Variants in PRELID3A observed in about 807,000 individuals in gnomAD.
PRELID3A encodes PRELI domain containing protein 3A.
PRELID3A carries 27 observed loss-of-function variants against 23.0 expected under a neutral mutation model. The ratio of observed to expected loss-of-function variants is 1.17; its 90% confidence interval spans 0.87 to 1.62. The LOEUF is 1.62. PRELID3A is among the 40% of genes most tolerant of loss of function. The probability of loss-of-function intolerance (pLI) is 0.00; values close to 1 mark genes in which losing one functional copy is unlikely to be tolerated. For synonymous variants in PRELID3A, 87 were observed against 86.4 expected, an observed-to-expected ratio of 1.01 and a Z score of -0.04; for missense variants, 231 against 231.4, an observed-to-expected ratio of 1.00 and a Z score of 0.01.
At chr18:12,423,226 C>A (rs1598862164) in intron 3 of PRELID3A, among the ~76,000 whole-genome samples, 1 of 152,126 alleles carries the variant, frequency 6.6e-6, no homozygotes, top group Non-Finnish European at 1.5e-5. Flanking sequence ...TGGAGAGGGG[C>A]AGGCACAAGA....
intron 1 of PRELID3A, among the ~76,000 whole-genome samples, chr18:12,409,830 AT>A (rs951642427): frequency 2.6e-5 from 4 of 151,816 alleles, no homozygotes; most frequent in East Asian, 1.9e-4. Flanking sequence ...ACTCCCATTT[AT>A]TTTTTTTAAG....
chr18:12,430,743 GTGGTGTGTGTGCA>G (rs2030559167), intron 6 of PRELID3A, among the ~76,000 whole-genome samples: 1 of 144,108 alleles, frequency 6.9e-6, no homozygotes, highest in African/African-American at 2.6e-5. Context: ...GTGTATGTGT[GTGGTGTGTGTGCA>G]TGTGTGTGAT....
chr18:12,409,992 ACATTTTACCC>A (rs1486732532), intron 1 of PRELID3A, among the ~76,000 whole-genome samples: 1 of 152,154 alleles, frequency 6.6e-6, no homozygotes, highest in Non-Finnish European at 1.5e-5. Context: ...CATTAGCTTC[ACATTTTACCC>A]CATTTTCACC....
chr18:12,421,782 TTCAAGTATA>T (rs1386680087), intron 3 of PRELID3A, among the ~76,000 whole-genome samples, 153 bp downstream of exon 3: 1 of 152,216 alleles, frequency 6.6e-6, no homozygotes, highest in Non-Finnish European at 1.5e-5. Flanking sequence ...TATCTTTTTA[TTCAAGTATA>T]ATAAGTATAT....
At chr18:12,424,339 G>T (rs530934692) in intron 3 of PRELID3A, among the ~76,000 whole-genome samples, 3 of 152,218 alleles carry the variant, frequency 2.0e-5, no homozygotes, top group Non-Finnish European at 4.4e-5. Flanking sequence ...TGAAGCCATC[G>T]CTGGATGGCC....
intron 3 of PRELID3A, among the ~76,000 whole-genome samples, chr18:12,425,041 G>T (rs1400266079): frequency 6.6e-6 from 1 of 152,114 alleles, no homozygotes; most frequent in South Asian, 2.1e-4. Flanking sequence ...TACTCTGGAG[G>T]CTGAGGCAGG....
chr18:12,430,939 A>T (rs941058225), intron 6 of PRELID3A, among the ~76,000 whole-genome samples: 2 of 140,378 alleles, frequency 1.4e-5, no homozygotes, highest in African/African-American at 5.4e-5. Flanking sequence ...TGTGATGTGT[A>T]TTGTGTGCTG....
At chr18:12,409,241 A>G (rs1319345188) in intron 1 of PRELID3A, among the ~76,000 whole-genome samples, 1 of 129,154 alleles carries the variant, frequency 7.7e-6, no homozygotes, top group Non-Finnish European at 1.5e-5. Context: ...ATCTTGGCTC[A>G]CTGTAACCTC....
At chr18:12,415,163 C>G (rs1185799546) in intron 1 of PRELID3A, among the ~76,000 whole-genome samples, 3 of 151,910 alleles carry the variant, frequency 2.0e-5, no homozygotes, top group Admixed American at 6.6e-5. Flanking sequence ...CTCCTGGTCT[C>G]AAGTGAACTT....
At chr18:12,414,864 G>A (rs1020996155) in intron 1 of PRELID3A, among the ~76,000 whole-genome samples, 3 of 152,164 alleles carry the variant, frequency 2.0e-5, no homozygotes, top group Non-Finnish European at 4.4e-5. Flanking sequence ...AGCTGATGGA[G>A]GCCTTGGGTC....
chr18:12,408,736 A>T (rs1433531431), intron 1 of PRELID3A, among the ~76,000 whole-genome samples: 3 of 151,278 alleles, frequency 2.0e-5, no homozygotes, highest in Non-Finnish European at 2.9e-5. Flanking sequence ...GGAACGTCAG[A>T]TGATGGAGAC....
At chr18:12,416,768 C>A (rs148793829) in intron 1 of PRELID3A, among the ~76,000 whole-genome samples, 188 of 152,032 alleles carry the variant, frequency 1.2e-3, no homozygotes, top group African/African-American at 4.4e-3. Flanking sequence ...GCCTCAGCCT[C>A]CCGAGTAGCT....
rs118024490 is a variant in PRELID3A, at chr18:12,423,018, C to T, written c.291+1389C>T. Reference sequence around the variant, plus strand: ...ATTTCCTCCTGACTGGCTCTGTCATCGCACGGTGGGCATCTAGACAACCCA... The same window carrying T: ...ATTTCCTCCTGACTGGCTCTGTCATTGCACGGTGGGCATCTAGACAACCCA... On this transcript the variant is annotated intron_variant, in intron 3 of 6. Coordinates refer to ENST00000440960, the MANE Select transcript of PRELID3A (RefSeq NM_001142405.2). 1.8e-3 allele frequency among the ~76,000 whole-genome samples: 280 copies of T among 152,316 alleles called. 4 individuals carry two copies. The East Asian group carries it at 0.022, about 12-fold the overall frequency.
At chr18:12,428,728 G>C (rs751252027) in intron 5 of PRELID3A, among the ~76,000 whole-genome samples, 3 of 152,196 alleles carry the variant, frequency 2.0e-5, no homozygotes, top group African/African-American at 7.2e-5. Context: ...GGAGGAAGGA[G>C]ACCGGATCTC....
At chr18:12,417,174 A>T (rs769655711) in intron 1 of PRELID3A, among the ~76,000 whole-genome samples, 25 of 151,618 alleles carry the variant, frequency 1.6e-4, no homozygotes, top group Non-Finnish European at 2.8e-4. Context: ...AAATTTTTTT[A>T]TTTTTATTTT....
chr18:12,420,522 A>T, intron 2 of PRELID3A, 29 bp downstream of exon 2: 1 of 1,481,418 alleles, frequency 6.8e-7, no homozygotes, highest in Non-Finnish European at 9.0e-7. Flanking sequence ...GCGGCTCCGA[A>T]CGCGCCCGAC....
chr18:12,429,653 G>T (rs1188937920), intron 6 of PRELID3A, among the ~76,000 whole-genome samples: 1 of 152,230 alleles, frequency 6.6e-6, no homozygotes, highest in Non-Finnish European at 1.5e-5. Context: ...GAGGAAGCTT[G>T]AGCTGCGGCC....
At position 12,431,191 on chromosome 18, in the gene PRELID3A, C is replaced by G. The variant is rs1395210115; in HGVS notation, c.*75C>G. ...AGGAAAGAAGGAGGTGAGGAGAGGACGAGCAAGGACGGGACGGAAAAGCAC... is the reference window on the plus strand; with the variant it reads ...AGGAAAGAAGGAGGTGAGGAGAGGAGGAGCAAGGACGGGACGGAAAAGCAC... On this transcript the variant is annotated 3_prime_UTR_variant, in exon 7 of 7. Transcript: ENST00000440960. 2 of 152,536 alleles carry G rather than the reference C, an allele frequency of 1.3e-5. No homozygotes were observed. The highest frequency in any genetic ancestry group is 1.3e-4 in the Admixed American group (2 of 15,258). The allele number at this position is 152,536 out of a possible 1,614,324, so 9.4% of individuals were successfully genotyped here.
At chr18:12,419,204 T>C (rs1022274826) in intron 1 of PRELID3A, among the ~76,000 whole-genome samples, 1 of 150,736 alleles carries the variant, frequency 6.6e-6, no homozygotes, top group Non-Finnish European at 1.5e-5. Flanking sequence ...CGGGCACCTG[T>C]AGTCCCAGCT....
Sources: allele counts gnomAD v4.1 joint callset (sites outside exome capture counted in the v4.1 genomes callset), GRCh38; gene constraint gnomAD v4.1.1; transcripts MANE v1.5; gene names NCBI Gene and HGNC (gene_info 2026-07-23, HGNC 2026-07-21).